LIN28A: variants seen among roughly 807,000 people sequenced by gnomAD.
LIN28A encodes lin-28 RNA binding posttranscriptional regulator A.
In LIN28A, 11 loss-of-function variants were observed where a neutral mutation model predicts 21.1. The observed-to-expected ratio is 0.52, with a 90% CI of 0.33 to 0.86. LIN28A has a LOEUF of 0.86. LIN28A is among the 40% of genes least tolerant of loss of function. The pLI is 0.03. For missense variants in LIN28A, 219 were observed against 279.8 expected (o/e 0.78, Z 1.55); for synonymous variants, 111 against 108.7 (o/e 1.02, Z -0.13).
intron 2 of LIN28A, among the ~76,000 whole-genome samples, chr1:26,416,062 G>A (rs956173911): frequency 2.0e-5 from 3 of 151,624 alleles, no homozygotes; most frequent in Non-Finnish European, 4.4e-5. Context: ...GCACGAACTC[G>A]GCTCACTGCA....
intron 2 of LIN28A, among the ~76,000 whole-genome samples, chr1:26,415,249 T>TA (rs1257163379): frequency 6.6e-6 from 1 of 152,090 alleles, no homozygotes; most frequent in Non-Finnish European, 1.5e-5. Flanking sequence ...AATTGCCCTG[T>TA]AGCCAGGTGG....
chr1:26,411,657 G>T lies in LIN28A; in HGVS notation c.228+75G>T. ...ATATCCACGGGTGGGCTCCGGGCTCGCAGTTGAATTGAGGGCCATCGGGAG... is the reference window on the plus strand; with the variant it reads ...ATATCCACGGGTGGGCTCCGGGCTCTCAGTTGAATTGAGGGCCATCGGGAG... On this transcript the variant is annotated intron_variant, in intron 2 of 3. Coordinates refer to ENST00000326279, the MANE Select transcript of LIN28A (RefSeq NM_024674.6). The surrounding 1 kb of genome is among the most constrained non-coding windows in gnomAD (Gnocchi z 5.4). 1 of 1,479,270 alleles carries T rather than the reference G, an allele frequency of 6.8e-7. No homozygotes were observed. The highest frequency in any genetic ancestry group is 9.3e-7 in the Non-Finnish European group (1 of 1,080,066). 91.6% of individuals were successfully genotyped at this position (1,479,270 alleles called of 1,614,324 possible).
Position 26,411,070 on chromosome 1 carries a change from A to C in LIN28A, c.31+148A>C. 9.1e-7 allele frequency: 1 copy of C among 1,095,780 alleles called. No homozygotes were observed. The highest frequency in any genetic ancestry group is 1.7e-5 in the South Asian group (1 of 59,484). 67.9% of individuals were successfully genotyped at this position (1,095,780 alleles called of 1,614,324 possible). A position where few individuals can be genotyped will look rare whatever the true frequency, so the allele number is the denominator to read the frequency against. On this transcript the variant is annotated intron_variant, in intron 1 of 3. Transcript: ENST00000326279. The surrounding 1 kb of genome is among the most constrained non-coding windows in gnomAD (Gnocchi z 5.4). ...GCTTCATAGGGCCGTCTCTGGGGCC[A>C]GGAACCTTGGTGTCCCAGTGGCGTG...
chr1:26,413,780 A>C (rs1027069539), intron 2 of LIN28A, among the ~76,000 whole-genome samples: 4 of 147,488 alleles, frequency 2.7e-5, no homozygotes, highest in African/African-American at 1.0e-4. Flanking sequence ...TAGTGATTCC[A>C]GTCTTTGCAC....
At chr1:26,425,246 T>C (rs2075051768) in intron 2 of LIN28A, 57 bp from the exon 3 acceptor site, 2 of 1,543,316 alleles carry the variant, frequency 1.3e-6, no homozygotes, top group African/African-American at 2.7e-5. Flanking sequence ...GAGTTCCTTG[T>C]CTTTTGGTAT....
At chr1:26,412,272 C>G (rs1020172358) in intron 2 of LIN28A, among the ~76,000 whole-genome samples, 7 of 152,046 alleles carry the variant, frequency 4.6e-5, no homozygotes, top group Admixed American at 3.9e-4. Flanking sequence ...ACCCCAAGTT[C>G]TCAGTTAAAG....
chr1:26,411,417 C>G lies in LIN28A; in HGVS notation c.63C>G (p.Pro21=), dbSNP rs769468341. The change falls in exon 2 of 4, where the codon CCC becomes CCG. Residue 21 remains proline, a synonymous_variant. Coordinates refer to ENST00000326279, the MANE Select transcript of LIN28A (RefSeq NM_024674.6). The surrounding 1 kb of genome is among the most constrained non-coding windows in gnomAD (Gnocchi z 5.4). ...GCGCCAAGGCGGCAGAAGAGGCGCC[C>G]GAGGAGGCGCCGGAGGACGCGGCCC... ...GGCAKAAEEA[P]EEAPEDAARA... The G allele has an allele frequency of 1.2e-5, 20 of 1,602,966 alleles. No individual in the cohort carries two copies. Among genetic ancestry groups the G allele is most frequent in the Non-Finnish European group, 1.3e-5 (15 of 1,175,490 alleles).
At chr1:26,424,884 G>A (rs944508817) in intron 2 of LIN28A, among the ~76,000 whole-genome samples, 3 of 151,856 alleles carry the variant, frequency 2.0e-5, no homozygotes, top group Non-Finnish European at 2.9e-5. Context: ...TGGGATTACA[G>A]GTGCCCGCCA....
chr1:26,420,934 A>G (rs2075025226), intron 2 of LIN28A, among the ~76,000 whole-genome samples: 1 of 152,130 alleles, frequency 6.6e-6, no homozygotes, highest in African/African-American at 2.4e-5. Flanking sequence ...AGTAAGTGGC[A>G]TGATAGAATG....
At chr1:26,426,196 T>A in intron 3 of LIN28A, 46 bp from the exon 4 acceptor site, 1 of 1,538,174 alleles carries the variant, frequency 6.5e-7, no homozygotes, top group Non-Finnish European at 9.0e-7. Context: ...GCATCTGGCC[T>A]CTTCTTGCTC....
intron 2 of LIN28A, among the ~76,000 whole-genome samples, chr1:26,415,013 G>A (rs1281608352): frequency 6.6e-6 from 1 of 151,998 alleles, no homozygotes; most frequent in East Asian, 1.9e-4. Context: ...TGTTTCCTGT[G>A]GCTCAATTTG....
Position 26,426,415 on chromosome 1 carries a change from A to G in LIN28A, c.587A>G (p.Glu196Gly), listed in dbSNP as rs1283208848. ...CCAACCTACTTTCGAGAGGAAGAAG[A>G]AGAAATCCACAGCCCTACCCTGCTC... ...GKPTYFREEE[E>G]EIHSPTLLPE... Residue 196 changes from glutamate (E) to glycine (G), a missense_variant, in exon 4 of 4, where the codon GAA becomes GGA. Coordinates refer to ENST00000326279, the MANE Select transcript of LIN28A (RefSeq NM_024674.6). 6.2e-7 allele frequency: 1 copy of G among 1,614,256 alleles called. No individual in the cohort carries two copies. The highest frequency in any genetic ancestry group is 8.5e-7 in the Non-Finnish European group (1 of 1,180,048).
Position 26,425,475 on chromosome 1 carries a change from C to T in LIN28A, c.401C>T (p.Ser134Leu), listed in dbSNP as rs2075053351. ...PKGKSMQKRR[S>L]KGDRCYNCGG... ...GGAAAGAGCATGCAGAAGCGCAGAT[C>T]AAAAGGAGACAGGTATGGATTGGAA... is the stretch of plus-strand genomic sequence containing the variant. The change falls in exon 3 of 4, where the codon TCA becomes TTA. Residue 134 changes from serine to leucine, a missense_variant. Around this residue, in one of 3 missense-constraint regions of LIN28A, gnomAD observed 124 missense variants for 193.1 expected, o/e 0.64. Coordinates refer to ENST00000326279, the MANE Select transcript of LIN28A (RefSeq NM_024674.6). 6.2e-7 allele frequency: 1 copy of T among 1,613,858 alleles called. No homozygotes were observed. Among genetic ancestry groups the T allele is most frequent in the Non-Finnish European group, 8.5e-7 (1 of 1,179,922 alleles).
At chr1:26,424,714 G>C (rs1027720079) in intron 2 of LIN28A, among the ~76,000 whole-genome samples, 1 of 152,034 alleles carries the variant, frequency 6.6e-6, no homozygotes, top group Non-Finnish European at 1.5e-5. Context: ...CCAAATGCTT[G>C]TATTTACAAA....
chr1:26,413,861 CT>C (rs1221806324), intron 2 of LIN28A, among the ~76,000 whole-genome samples: 6 of 117,910 alleles, frequency 5.1e-5, no homozygotes, highest in Middle Eastern at 7.6e-3. Flanking sequence ...GTGTTTGGCT[CT>C]TGTTGGCCAG....
intron 2 of LIN28A, among the ~76,000 whole-genome samples, chr1:26,412,685 A>G (rs1198465047): frequency 2.7e-5 from 4 of 150,596 alleles, no homozygotes; most frequent in African/African-American, 9.8e-5. Context: ...GGTGTGGGGG[A>G]GGGGAAAGGA....
intron 2 of LIN28A, among the ~76,000 whole-genome samples, chr1:26,418,637 G>A (rs572483579): frequency 6.6e-6 from 1 of 152,108 alleles, no homozygotes; most frequent in East Asian, 1.9e-4. Context: ...GTCCTAACTT[G>A]AAGAAATTGG....
rs201889562 is a variant in LIN28A at position 26,414,597 on chromosome 1, CTT to C, written c.228+3018_228+3019del. Among the ~76,000 whole-genome samples, 6 of 152,162 alleles carry C rather than the reference CTT, an allele frequency of 3.9e-5. No homozygotes were observed. In the East Asian group the frequency reaches 1.2e-3, roughly 29 times the overall value. ...AAGCAAAGAGATTTCTATAACAACT[CTT>C]TTCCTTAGGTACACATCTTTAGATC... On this transcript the variant is annotated intron_variant, in intron 2 of 3. Transcript: ENST00000326279.
chr1:26,417,938 T>C (rs2075003377), intron 2 of LIN28A, among the ~76,000 whole-genome samples: 1 of 151,692 alleles, frequency 6.6e-6, no homozygotes, highest in Admixed American at 6.6e-5. Flanking sequence ...TCTGCACAAC[T>C]GTAGCAAGTA....
Sources: gnomAD v4.1 joint callset for allele counts (sites outside exome capture counted in the v4.1 genomes callset) on GRCh38, gnomAD v4.1.1 for gene constraint, gnomAD v4.1.1 regional missense constraint, Gnocchi (gnomAD v3.1) non-coding constraint, MANE v1.5 for transcripts, NCBI Gene and HGNC (gene_info 2026-07-23, HGNC 2026-07-21) for gene names.